Variants in DMD observed in about 807,000 individuals in gnomAD.
DMD encodes mutant dystrophin.
A neutral mutation model predicts 330.1 loss-of-function variants in DMD; 63 were observed. That is an observed-to-expected ratio of 0.19 (90% CI 0.16 to 0.24). The LOEUF (loss-of-function observed/expected upper bound fraction) is 0.24. DMD is among the 10% of genes least tolerant of loss of function. The probability of loss-of-function intolerance (pLI) is 1.00; values close to 1 mark genes in which losing one functional copy is unlikely to be tolerated. For missense variants in DMD, 3,344 were observed against 2,684.1 expected (o/e 1.25, Z -5.43); for synonymous variants, 1,223 against 959.8 (o/e 1.27, Z -5.07).
Position 32,906,595 on chromosome X carries a change from G to A in DMD, c.94-56775C>T, listed in dbSNP as rs190186035. Among the ~76,000 whole-genome samples the A allele has an allele frequency of 2.7e-5, 3 of 111,875 alleles. No homozygotes were observed. In the East Asian group the frequency reaches 8.4e-4, roughly 31 times the overall value. On this transcript the variant is annotated intron_variant, in intron 2 of 78. Coordinates refer to ENST00000357033, the MANE Select transcript of DMD (RefSeq NM_004006.3). ...CAAAGCTGAATTGAAATGGGCGAGGGAGGCATGGTCCAGTTATGTAGGTCA... is the reference window on the plus strand; with the variant it reads ...CAAAGCTGAATTGAAATGGGCGAGGAAGGCATGGTCCAGTTATGTAGGTCA...
chrX:31,522,363 C>CTCTCTCTATATATATA, intron 55 of DMD, among the ~76,000 whole-genome samples: 48 of 35,960 alleles, frequency 1.3e-3, no homozygotes, highest in Middle Eastern at 0.018. Flanking sequence ...CTCTCTCTCT[C>CTCTCTCTATATATATA]TATATATATA....
At chrX:32,511,889 G>A (rs908667681) in intron 18 of DMD, among the ~76,000 whole-genome samples, 2 of 111,547 alleles carry the variant, frequency 1.8e-5, no homozygotes, top group Admixed American at 1.9e-4. Flanking sequence ...ATGATCACAT[G>A]TTTAGAAGCC....
At chrX:33,060,045 T>A (rs373699060) in intron 1 of DMD, among the ~76,000 whole-genome samples, 1 of 111,454 alleles carries the variant, frequency 9.0e-6, no homozygotes, top group Non-Finnish European at 1.9e-5. Context: ...AAAGAAAAAA[T>A]TATTCAATGT....
At chrX:31,576,870 C>A (rs756366705) in intron 55 of DMD, among the ~76,000 whole-genome samples, 5 of 109,767 alleles carry the variant, frequency 4.6e-5, no homozygotes, top group African/African-American at 1.7e-4. Context: ...CGCCCACCAC[C>A]ACGCCCGGCT....
chrX:32,207,636 C>T (rs915045540), intron 44 of DMD, among the ~76,000 whole-genome samples: 8 of 111,927 alleles, frequency 7.1e-5, no homozygotes, highest in African/African-American at 2.3e-4. Context: ...GTCATGTACT[C>T]GTTAAATTGC....
intron 1 of DMD, among the ~76,000 whole-genome samples, chrX:33,072,035 G>T (rs2094766193): frequency 8.9e-6 from 1 of 112,250 alleles, no homozygotes; most frequent in Non-Finnish European, 1.9e-5. Context: ...AGCTAGACTT[G>T]AAAATGTGTT....
chrX:32,849,242 T>A (rs1038380305), intron 3 of DMD, among the ~76,000 whole-genome samples: 4 of 111,802 alleles, frequency 3.6e-5, no homozygotes, highest in Admixed American at 2.9e-4. Flanking sequence ...TGTATATCAA[T>A]CATGTATCTT....
At chrX:32,162,645 G>C (rs1459531184) in intron 44 of DMD, among the ~76,000 whole-genome samples, 2 of 94,013 alleles carry the variant, frequency 2.1e-5, no homozygotes, top group African/African-American at 8.3e-5. Context: ...TGTTGCCCAG[G>C]CTGGAATGCA....
At position 31,121,939 on chromosome X, in the gene DMD, CAAAG is replaced by C. The variant is rs764000962; in HGVS notation, c.11047-13_11047-10del. 4.3e-6 allele frequency: 5 copies of C among 1,174,316 alleles called. No homozygotes were observed. Among genetic ancestry groups the C allele is most frequent in the Non-Finnish European group, 5.8e-6 (5 of 862,493 alleles). On this transcript the variant is annotated splice_polypyrimidine_tract_variant and intron_variant, in intron 78 of 78. Transcript: ENST00000357033. ...ACTTCCTACATTGTGTCCTGGAAAA[CAAAG>C]AGAAAGAAAGACAGACTTTACAAAA...
At position 32,694,821 on chromosome X, in the gene DMD, T is replaced by G. The variant is rs899403865; in HGVS notation, c.960+3049A>C. On this transcript the variant is annotated intron_variant, in intron 9 of 78. Transcript: ENST00000357033. Reference sequence around the variant, plus strand: ...ACAGGTGTGCGCCACCACACCCAGCTAATTTTGTATTTTTAGTAGAGATGG... The same window carrying G: ...ACAGGTGTGCGCCACCACACCCAGCGAATTTTGTATTTTTAGTAGAGATGG... 2.7e-5 allele frequency among the ~76,000 whole-genome samples: 3 copies of G among 110,909 alleles called. No individual in the cohort carries two copies. In the Admixed American group the frequency reaches 2.9e-4, roughly 11 times the overall value.
At chrX:32,177,142 C>T (rs940912859) in intron 44 of DMD, among the ~76,000 whole-genome samples, 2 of 111,972 alleles carry the variant, frequency 1.8e-5, no homozygotes, top group Non-Finnish European at 3.8e-5. Context: ...CTCACTAGAA[C>T]TATTTTAGTC....
chrX:31,431,137 C>A (rs185621138), intron 60 of DMD, among the ~76,000 whole-genome samples: 1 of 110,313 alleles, frequency 9.1e-6, no homozygotes, highest in East Asian at 2.9e-4. Context: ...GTGTCACTTA[C>A]AATAATCCAC....
At chrX:31,280,135 C>T (rs764581619) in intron 62 of DMD, among the ~76,000 whole-genome samples, 28 of 111,851 alleles carry the variant, frequency 2.5e-4, no homozygotes, top group African/African-American at 7.5e-4. Context: ...TGCATGTCCT[C>T]CAGTTGCTTG....
At chrX:32,469,475 T>C (rs2040394360) in intron 22 of DMD, among the ~76,000 whole-genome samples, 2 of 111,250 alleles carry the variant, frequency 1.8e-5, no homozygotes, top group Non-Finnish European at 3.8e-5. Flanking sequence ...TATAAACAGT[T>C]ATTCTTTCCC....
At chrX:32,909,670 C>CA (rs1156708707) in intron 2 of DMD, among the ~76,000 whole-genome samples, 1 of 111,060 alleles carries the variant, frequency 9.0e-6, no homozygotes, top group Non-Finnish European at 1.9e-5. Flanking sequence ...ATGAATGCAA[C>CA]AAAAAAGCAG....
At chrX:33,189,304 G>T (rs1013870309) in intron 1 of DMD, among the ~76,000 whole-genome samples, 1 of 111,497 alleles carries the variant, frequency 9.0e-6, no homozygotes, top group East Asian at 2.8e-4. Flanking sequence ...AGGTATGGGG[G>T]AGAGGTGGGA....
chrX:31,787,431 A>G (rs2149298184), intron 50 of DMD, among the ~76,000 whole-genome samples: 1 of 112,387 alleles, frequency 8.9e-6, no homozygotes, highest in Admixed American at 9.4e-5. Context: ...ATTCAATTGA[A>G]TGCTCTAAAA....
At position 32,365,217 on chromosome X, in the gene DMD, T is replaced by C; in HGVS notation, c.4846-18A>G. 2.5e-6 allele frequency: 3 copies of C among 1,206,374 alleles called. No individual in the cohort carries two copies. The highest frequency in any genetic ancestry group is 3.0e-5 in the East Asian group (1 of 33,750). Reference sequence around the variant, plus strand: ...TGAGTAGCCTGTGAAAAGGAGAGCATTGACCTTCAAGTAATGTCTTGTAGT... The same window carrying C: ...TGAGTAGCCTGTGAAAAGGAGAGCACTGACCTTCAAGTAATGTCTTGTAGT... On this transcript the variant is annotated intron_variant, in intron 34 of 78. Coordinates refer to ENST00000357033, the MANE Select transcript of DMD (RefSeq NM_004006.3).
chrX:32,732,054 G>C (rs758410141), intron 7 of DMD, among the ~76,000 whole-genome samples: 1 of 111,680 alleles, frequency 9.0e-6, no homozygotes, highest in African/African-American at 3.3e-5. Context: ...AACCATTACA[G>C]AGAAGTGCTT....
Sources: gnomAD v4.1 joint callset for allele counts (sites outside exome capture counted in the v4.1 genomes callset) on GRCh38, gnomAD v4.1.1 for gene constraint, MANE v1.5 for transcripts, NCBI Gene and HGNC (gene_info 2026-07-23, HGNC 2026-07-21) for gene names.